MLLT3: variants seen among roughly 807,000 people sequenced by gnomAD.
MLLT3 encodes the protein protein AF-9.
A neutral mutation model predicts 53.2 loss-of-function variants in MLLT3; 4 were observed. That is an observed-to-expected ratio of 0.08 (90% confidence interval 0.04 to 0.17). MLLT3 has a LOEUF of 0.17. Ranked by LOEUF, MLLT3 falls within the 10% of genes least tolerant of loss-of-function variation. The probability of loss-of-function intolerance (pLI) is 1.00; values close to 1 mark genes in which losing one functional copy is unlikely to be tolerated. For synonymous variants in MLLT3, 283 were observed against 230.6 expected (o/e 1.23, Z -2.06); for missense variants, 569 against 684.0 (o/e 0.83, Z 1.87).
In MLLT3 at chr9:20,387,464, G is replaced by A. The variant is rs73648210; in HGVS notation, c.1126-21720C>T. ...TTGAAAACACAATTTTGGCTTTTTT[G>A]TTTTTGCGGTCGTGGAGGGGAAGCT... On this transcript the variant is annotated intron_variant, in intron 5 of 10. Transcript: ENST00000380338. Among the ~76,000 whole-genome samples, 781 of 152,166 alleles carry A rather than the reference G, an allele frequency of 5.1e-3. 11 individuals carry two copies. The highest frequency in any genetic ancestry group is 0.018 in the African/African-American group (750 of 41,518).
Position 20,622,465 on chromosome 9 carries a change from G to C in MLLT3, c.-209C>G. On this transcript the variant is annotated 5_prime_UTR_variant, in exon 1 of 11. Coordinates refer to ENST00000380338, the MANE Select transcript of MLLT3 (RefSeq NM_004529.4). ...CTCAGCCCCAAAAGCAAAAGCAGCA[G>C]CAGCAGCAGCAGCTCCAGGGTAAAG... 1 of 539,116 alleles carries C rather than the reference G, an allele frequency of 1.9e-6. No individual in the cohort carries two copies. The highest frequency in any genetic ancestry group is 3.3e-6 in the Non-Finnish European group (1 of 304,174). 33.4% of individuals were successfully genotyped at this position (539,116 alleles called of 1,614,324 possible).
chr9:20,410,273 C>T (rs184323989), intron 5 of MLLT3, among the ~76,000 whole-genome samples: 62 of 152,236 alleles, frequency 4.1e-4, no homozygotes, highest in Non-Finnish European at 7.9e-4. Context: ...GAGAAAAAAT[C>T]TCTTTCAAAG....
chr9:20,396,070 G>A (rs540419038), intron 5 of MLLT3, among the ~76,000 whole-genome samples: 2 of 152,092 alleles, frequency 1.3e-5, no homozygotes, highest in East Asian at 1.9e-4. Flanking sequence ...TAATACATAC[G>A]AATACAGCAT....
rs375256671 is a variant in MLLT3, at chr9:20,410,230, A to G, written c.1125+3491T>C. Among the ~76,000 whole-genome samples the G allele has an allele frequency of 2.0e-5, 3 of 152,294 alleles. No homozygotes were observed. In the South Asian group the frequency reaches 6.2e-4, roughly 32 times the overall value. On this transcript the variant is annotated intron_variant, in intron 5 of 10. Coordinates refer to ENST00000380338, the MANE Select transcript of MLLT3 (RefSeq NM_004529.4). Reference sequence around the variant, plus strand: ...CCACAACCTTGAAAAAGGACACCAGAGTTCTGCAAGAGAAAAAATCTTGAG... The same window carrying G: ...CCACAACCTTGAAAAAGGACACCAGGGTTCTGCAAGAGAAAAAATCTTGAG...
chr9:20,443,161 G>T (rs567157912), intron 4 of MLLT3, among the ~76,000 whole-genome samples: 3 of 151,854 alleles, frequency 2.0e-5, no homozygotes, highest in Admixed American at 2.0e-4. Flanking sequence ...AAGGCAGCAG[G>T]AACAAACAAA....
At chr9:20,403,746 G>T (rs537844556) in intron 5 of MLLT3, among the ~76,000 whole-genome samples, 5 of 152,278 alleles carry the variant, frequency 3.3e-5, no homozygotes, top group African/African-American at 1.2e-4. Flanking sequence ...CGTGAAAATA[G>T]AGTGAATACT....
chr9:20,564,264 A>G (rs560811389), intron 2 of MLLT3, among the ~76,000 whole-genome samples: 24 of 152,280 alleles, frequency 1.6e-4, no homozygotes, highest in African/African-American at 5.5e-4. Context: ...GAAGTCCATC[A>G]TATCAATCAG....
chr9:20,350,102 A>G (rs980233385), intron 10 of MLLT3, among the ~76,000 whole-genome samples: 2 of 152,176 alleles, frequency 1.3e-5, no homozygotes, highest in Non-Finnish European at 2.9e-5. Flanking sequence ...CAACATTAAC[A>G]TGCTTTATTC....
chr9:20,531,685 T>C (rs984853721), intron 2 of MLLT3, among the ~76,000 whole-genome samples: 2 of 152,178 alleles, frequency 1.3e-5, no homozygotes, highest in Non-Finnish European at 2.9e-5. Flanking sequence ...ACTGAATGTA[T>C]AACTGATCTT....
intron 2 of MLLT3, among the ~76,000 whole-genome samples, chr9:20,458,724 G>A (rs1170872803): frequency 6.6e-6 from 1 of 152,196 alleles, no homozygotes; most frequent in African/African-American, 2.4e-5. Context: ...TCAGTCTCCA[G>A]AACTGTGAGA....
At chr9:20,484,982 A>T (rs973981093) in intron 2 of MLLT3, among the ~76,000 whole-genome samples, 4 of 151,326 alleles carry the variant, frequency 2.6e-5, no homozygotes, top group South Asian at 2.1e-4. Context: ...TTTTATTTTT[A>T]TTTTTTTTAT....
chr9:20,428,025 T>C (rs1823178776), intron 4 of MLLT3, among the ~76,000 whole-genome samples: 1 of 152,072 alleles, frequency 6.6e-6, no homozygotes, highest in Admixed American at 6.6e-5. Context: ...TTTCCAACTT[T>C]GCAATAACTG....
intron 2 of MLLT3, among the ~76,000 whole-genome samples, chr9:20,575,774 T>C (rs2131168734): frequency 6.6e-6 from 1 of 152,326 alleles, no homozygotes; most frequent in East Asian, 1.9e-4. Flanking sequence ...TGTTGTTCCA[T>C]TTATAGAGCA....
intron 10 of MLLT3, among the ~76,000 whole-genome samples, chr9:20,348,187 C>T (rs1820925901): frequency 6.6e-6 from 1 of 152,188 alleles, no homozygotes; most frequent in Non-Finnish European, 1.5e-5. Context: ...GATGCAACAA[C>T]AGATGCTGCA....
chr9:20,571,382 G>A (rs941375138), intron 2 of MLLT3, among the ~76,000 whole-genome samples: 1 of 152,032 alleles, frequency 6.6e-6, no homozygotes, highest in African/African-American at 2.4e-5. Flanking sequence ...TGTAATAAGA[G>A]CATAATATCT....
At chr9:20,362,488 A>G (rs947337641) in intron 7 of MLLT3, among the ~76,000 whole-genome samples, 6 of 152,202 alleles carry the variant, frequency 3.9e-5, no homozygotes, top group Non-Finnish European at 8.8e-5. Flanking sequence ...GGGAAATGTT[A>G]TAAGGCCATG....
intron 8 of MLLT3, among the ~76,000 whole-genome samples, chr9:20,358,872 A>C (rs529068541): frequency 6.6e-6 from 1 of 152,092 alleles, no homozygotes; most frequent in Admixed American, 6.6e-5. Flanking sequence ...TAAAAATATC[A>C]TCGGCTGGGA....
intron 5 of MLLT3, among the ~76,000 whole-genome samples, chr9:20,412,274 G>A (rs1822748162): frequency 6.6e-6 from 1 of 152,038 alleles, no homozygotes; most frequent in Non-Finnish European, 1.5e-5. Context: ...TAAGAGGAAA[G>A]GTAAGAAGCA....
intron 2 of MLLT3, among the ~76,000 whole-genome samples, chr9:20,508,571 C>G (rs899697601): frequency 1.3e-5 from 2 of 152,084 alleles, no homozygotes; most frequent in Non-Finnish European, 2.9e-5. Flanking sequence ...AAAATTCAGG[C>G]ACAAGAAATG....
Sources: allele counts gnomAD v4.1 joint callset (sites outside exome capture counted in the v4.1 genomes callset), GRCh38; gene constraint gnomAD v4.1.1; transcripts MANE v1.5; gene names NCBI Gene and HGNC (gene_info 2026-07-23, HGNC 2026-07-21).